The following FAM184B variants were observed in gnomAD, a reference collection of about 807,000 sequenced individuals.
FAM184B encodes the protein family with sequence similarity 184 member B, also known as protein FAM184B.
Under a neutral mutation model 135.9 loss-of-function variants are expected in FAM184B, and 111 were observed. That is an observed-to-expected ratio of 0.82 (90% CI 0.70 to 0.96). The LOEUF is 0.96. Among genes scored for constraint, FAM184B ranks in the 40% least tolerant of loss-of-function variants. FAM184B has a pLI of 0.00. For synonymous variants in FAM184B, 552 were observed against 524.8 expected (o/e 1.05, Z -0.71); for missense variants, 1,375 against 1,323.9 (o/e 1.04, Z -0.60).
At chr4:17,713,425 C>A (rs145268657) in intron 1 of FAM184B, among the ~76,000 whole-genome samples, 19 of 152,360 alleles carry the variant, frequency 1.2e-4, no homozygotes, top group Non-Finnish European at 2.1e-4. Context: ...GATTTGGCCA[C>A]TTCTGTTAAT....
At position 17,753,245 on chromosome 4, in the gene FAM184B, C is replaced by T. The variant is rs370404921; in HGVS notation, c.141+27914G>A. Among the ~76,000 whole-genome samples the T allele has an allele frequency of 1.8e-4, 27 of 152,266 alleles. No homozygotes were observed. The East Asian group carries it at 2.3e-3, about 13-fold the overall frequency. The stretch of plus-strand genomic sequence containing the variant: ...TTTACATATTTGTCCTCTAATTTAT[C>T]GTAAGTCTCCTCAGGGCAGGGATCA... On this transcript the variant is annotated intron_variant, in intron 1 of 17. Transcript: ENST00000265018.
intron 1 of FAM184B, among the ~76,000 whole-genome samples, chr4:17,729,453 A>C (rs1717721585): frequency 6.6e-6 from 1 of 152,222 alleles, no homozygotes; most frequent in African/African-American, 2.4e-5. Flanking sequence ...CTGCCTCCTC[A>C]AGCGGGTCCT....
intron 7 of FAM184B, among the ~76,000 whole-genome samples, chr4:17,683,358 T>C (rs572734508): frequency 1.3e-5 from 2 of 152,300 alleles, no homozygotes; most frequent in African/African-American, 2.4e-5. Flanking sequence ...AGAGAGCATT[T>C]GCACACACTA....
At chr4:17,660,608 A>T (rs1418995177) in intron 8 of FAM184B, among the ~76,000 whole-genome samples, 12 of 152,074 alleles carry the variant, frequency 7.9e-5, no homozygotes, top group African/African-American at 2.9e-4. Context: ...CATATGCAAC[A>T]TGAACAAGGA....
chr4:17,641,709 A>C (rs1301280707), intron 13 of FAM184B, among the ~76,000 whole-genome samples: 7 of 124,760 alleles, frequency 5.6e-5, no homozygotes, highest in Admixed American at 2.1e-4. Flanking sequence ...CATGTTGTCC[A>C]GGCTGGTCTC....
rs150970816 is a variant in FAM184B, at chr4:17,674,315, A to T, written c.1597-9656T>A. The stretch of plus-strand genomic sequence containing the variant: ...ACTTTTTTTGTTTCCCTATACACAT[A>T]AAAGTTATGTTTACACTATACTATA... On this transcript the variant is annotated intron_variant, in intron 7 of 17. Transcript: ENST00000265018. 4.6e-3 allele frequency among the ~76,000 whole-genome samples: 708 copies of T among 152,310 alleles called. 17 individuals carry two copies. In the East Asian group the frequency reaches 0.083, roughly 18 times the overall value.
intron 7 of FAM184B, among the ~76,000 whole-genome samples, chr4:17,672,783 T>C (rs994751271): frequency 2.0e-5 from 3 of 152,204 alleles, no homozygotes; most frequent in African/African-American, 4.8e-5. Flanking sequence ...GGTTAACTAG[T>C]ATTTTGTTAA....
At chr4:17,682,018 G>A (rs1716453112) in intron 7 of FAM184B, among the ~76,000 whole-genome samples, 1 of 152,246 alleles carries the variant, frequency 6.6e-6, no homozygotes, top group Non-Finnish European at 1.5e-5. Context: ...TCAAGATTGG[G>A]CCTCATTCTC....
chr4:17,699,074 A>G (rs1716926736), intron 5 of FAM184B, among the ~76,000 whole-genome samples: 2 of 152,118 alleles, frequency 1.3e-5, no homozygotes, highest in Admixed American at 6.5e-5. Context: ...GTAAAGAAGA[A>G]CAGAATGGAA....
chr4:17,697,558 G>C (rs1292347729), intron 5 of FAM184B, among the ~76,000 whole-genome samples: 1 of 152,188 alleles, frequency 6.6e-6, no homozygotes, highest in Non-Finnish European at 1.5e-5. Flanking sequence ...GGTAACTTAA[G>C]CAATCATCAG....
chr4:17,721,326 G>A (rs746310403), intron 1 of FAM184B, among the ~76,000 whole-genome samples: 21 of 134,840 alleles, frequency 1.6e-4, no homozygotes, highest in Non-Finnish European at 2.8e-4. Context: ...AGAGCTTGCA[G>A]TGAGCCAAAA....
intron 13 of FAM184B, among the ~76,000 whole-genome samples, chr4:17,640,305 T>A: frequency 1.1e-5 from 1 of 92,736 alleles, no homozygotes; most frequent in African/African-American, 4.1e-5. Context: ...ACCTCGTCTC[T>A]ACTAAAAATA....
At position 17,642,070 on chromosome 4, in the gene FAM184B, G is replaced by C. The variant is rs1184870577; in HGVS notation, c.2505C>G (p.Leu835=). 1 of 1,531,152 alleles carries C rather than the reference G, an allele frequency of 6.5e-7. No individual in the cohort carries two copies. The highest frequency in any genetic ancestry group is 1.4e-5 in the African/African-American group (1 of 72,074). The allele number at this position is 1,531,152 out of a possible 1,614,324, so 94.8% of individuals were successfully genotyped here. The change falls in exon 13 of 18, where the codon CTC becomes CTG. Residue 835 remains leucine, a synonymous_variant. Coordinates refer to ENST00000265018, the MANE Select transcript of FAM184B (RefSeq NM_015688.2). ...GGGTCACCCACCTGCGCTGGTCTCG[G>C]AGCTTCTGCGCCTCCTGCTGATGCT... ...VEQHQQEAQK[L]RDQRRFLEET... is the part of the protein sequence containing the mutation.
intron 1 of FAM184B, among the ~76,000 whole-genome samples, chr4:17,720,810 A>G (rs1424792947): frequency 6.7e-6 from 1 of 148,592 alleles, no homozygotes; most frequent in Non-Finnish European, 1.5e-5. Flanking sequence ...CGCTTGAACC[A>G]GGGAGTTGGA....
chr4:17,637,410 C>T (rs990475178), intron 14 of FAM184B, among the ~76,000 whole-genome samples: 1 of 152,190 alleles, frequency 6.6e-6, no homozygotes, highest in African/African-American at 2.4e-5. Context: ...AATCTACTGA[C>T]TGGAGTTGAT....
rs1309532950 is a variant in FAM184B at position 17,636,631 on chromosome 4, C to A, written c.2681G>T (p.Gly894Val). 2.6e-6 allele frequency: 4 copies of A among 1,549,702 alleles called. No individual in the cohort carries two copies. Among genetic ancestry groups the A allele is most frequent in the Non-Finnish European group, 3.5e-6 (4 of 1,146,532 alleles). Residue 894 changes from glycine to valine, a missense_variant, in exon 15 of 18, where the codon GGA (glycine) becomes GTA (valine). Transcript: ENST00000265018. ...AALEAELKDS[G>V]EKPGKGASRP... is the part of the protein sequence containing the mutation. The stretch of plus-strand genomic sequence containing the variant: ...GGACGCTCCCTTCCCTGGCTTCTCT[C>A]CGGAATCTTTCAGTCTGTTCCAAGC...
intron 5 of FAM184B, 112 bp downstream of exon 5, chr4:17,704,888 G>T: frequency 1.1e-6 from 1 of 904,962 alleles, no homozygotes; most frequent in Non-Finnish European, 1.7e-6. Flanking sequence ...CATTTGTACA[G>T]AGCAGGAGCT....
intron 1 of FAM184B, among the ~76,000 whole-genome samples, chr4:17,713,447 TC>T: frequency 6.6e-6 from 1 of 152,224 alleles, no homozygotes; most frequent in Non-Finnish European, 1.5e-5. Context: ...TCCGTGACCT[TC>T]TAATGACTTC....
At chr4:17,709,737 G>T in intron 1 of FAM184B, 93 bp from the exon 2 acceptor site, 2 of 1,194,028 alleles carry the variant, frequency 1.7e-6, no homozygotes, top group Non-Finnish European at 2.2e-6. Flanking sequence ...CATGGCGGTT[G>T]ATCTGCACAA....
Sources: allele counts gnomAD v4.1 joint callset (sites outside exome capture counted in the v4.1 genomes callset), GRCh38; gene constraint gnomAD v4.1.1; transcripts MANE v1.5; gene names NCBI Gene and HGNC (gene_info 2026-07-23, HGNC 2026-07-21).